ITGA1: variants seen among roughly 807,000 people sequenced by gnomAD.
ITGA1 encodes the protein integrin alpha-1.
ITGA1 carries 85 observed loss-of-function variants against 145.9 expected under a neutral mutation model. That is an observed-to-expected ratio of 0.58 (90% CI 0.49 to 0.70). ITGA1 has a LOEUF of 0.70. Among genes scored for constraint, ITGA1 ranks in the 30% least tolerant of loss-of-function variants. The pLI, the probability that ITGA1 is intolerant of heterozygous loss-of-function variation, is 0.00. For synonymous variants in ITGA1, 520 were observed against 495.3 expected, an observed-to-expected ratio of 1.05 and a Z score of -0.66; for missense variants, 1,351 against 1,418.7, an observed-to-expected ratio of 0.95 and a Z score of 0.77.
intron 1 of ITGA1, chr5:52,801,019 A>T: frequency 6.2e-7 from 1 of 1,614,208 alleles, no homozygotes; most frequent in Non-Finnish European, 8.5e-7. Flanking sequence ...CCTGGTGGCC[A>T]GCCCAGGATT....
chr5:52,912,561 A>C, intron 14 of ITGA1, among the ~76,000 whole-genome samples: 1 of 134,044 alleles, frequency 7.5e-6, no homozygotes, highest in East Asian at 2.2e-4. Context: ...TGTATCCACT[A>C]TAGGTATTAT....
chr5:52,945,256 A>G (rs1736772625), intron 27 of ITGA1, among the ~76,000 whole-genome samples: 1 of 152,166 alleles, frequency 6.6e-6, no homozygotes, highest in South Asian at 2.1e-4. Flanking sequence ...TACAATTCAC[A>G]TGCCGCATTT....
At position 52,846,968 on chromosome 5, in the gene ITGA1, C is replaced by T. The variant is rs1580059533; in HGVS notation, c.62-2397C>T. Among the ~76,000 whole-genome samples the T allele has an allele frequency of 9.2e-5, 14 of 152,142 alleles. No individual in the cohort carries two copies. The South Asian group carries it at 2.9e-3, about 32-fold the overall frequency. Reference sequence around the variant, plus strand: ...CTTCTTCCTTCAACATGTTATCTGTCAGTCTGAAAATATGTTACTGCCCAT... The same window carrying T: ...CTTCTTCCTTCAACATGTTATCTGTTAGTCTGAAAATATGTTACTGCCCAT... On this transcript the variant is annotated intron_variant, in intron 1 of 28. Coordinates refer to ENST00000282588, the MANE Select transcript of ITGA1 (RefSeq NM_181501.2).
Position 52,865,057 on chromosome 5 carries a change from C to T in ITGA1, c.471C>T (p.Val157=), listed in dbSNP as rs780873603. ...ICSDVSPTFQ[V]VNSIAPVQEC... Reference sequence around the variant, plus strand: ...CTGACGTCAGCCCCACATTTCAAGTCGTGAATTCCATTGCCCCTGTACAAG... The same window carrying T: ...CTGACGTCAGCCCCACATTTCAAGTTGTGAATTCCATTGCCCCTGTACAAG... Residue 157 remains valine (V), a synonymous_variant, in exon 5 of 29, where the codon GTC becomes GTT. Coordinates refer to ENST00000282588, the MANE Select transcript of ITGA1 (RefSeq NM_181501.2). The T allele has an allele frequency of 1.6e-5, 26 of 1,613,122 alleles. No individual in the cohort carries two copies. The African/African-American group carries it at 2.5e-4, about 16-fold the overall frequency.
intron 18 of ITGA1, 42 bp from the exon 19 acceptor site, chr5:52,925,236 C>G (rs185536836): frequency 1.4e-6 from 2 of 1,466,242 alleles, no homozygotes; most frequent in Non-Finnish European, 1.9e-6. Flanking sequence ...TTCAACAATG[C>G]GTAGCTAAAT....
chr5:52,800,818 A>T (rs774088225), intron 1 of ITGA1: 2 of 1,611,126 alleles, frequency 1.2e-6, no homozygotes, highest in South Asian at 2.2e-5. Context: ...GGCTGTGGTC[A>T]TGCAGGAAGG....
At chr5:52,932,166 GC>G (rs1284807806) in intron 22 of ITGA1, 30 bp downstream of exon 22, 1 of 1,325,540 alleles carries the variant, frequency 7.5e-7, no homozygotes, top group Non-Finnish European at 1.1e-6. Flanking sequence ...TTATGTGGAT[GC>G]CTTTCTATTA....
chr5:52,822,634 G>A (rs1380499206), intron 1 of ITGA1, among the ~76,000 whole-genome samples: 1 of 152,182 alleles, frequency 6.6e-6, no homozygotes, highest in East Asian at 1.9e-4. Context: ...CTCCTCCCTC[G>A]CCAGTTCGTA....
In ITGA1 at chr5:52,958,908, C is replaced by CAGGAACAAAGAACAAAGAACATAGA. The variant is rs1751339789; in HGVS notation, c.*6469_*6470insCAAAGAACATAGAAGGAACAAAGAA. Reference sequence around the variant, plus strand: ...TAGAAGAAAATGTTTCGATTGCATTCAGGAACAAAGAAGCATAACCTTTGT... The same window carrying CAGGAACAAAGAACAAAGAACATAGA: ...TAGAAGAAAATGTTTCGATTGCATTCAGGAACAAAGAACAAAGAACATAGAAGGAACAAAGAAGCATAACCTTTGT... On this transcript the variant is annotated 3_prime_UTR_variant, in exon 29 of 29. Coordinates refer to ENST00000282588, the MANE Select transcript of ITGA1 (RefSeq NM_181501.2). 6.6e-6 allele frequency: 1 copy of CAGGAACAAAGAACAAAGAACATAGA among 152,042 alleles called. No individual in the cohort carries two copies. The highest frequency in any genetic ancestry group is 2.1e-4 in the South Asian group (1 of 4,824). 9.4% of individuals were successfully genotyped at this position (152,042 alleles called of 1,614,324 possible).
At chr5:52,820,370 T>G (rs1748856708) in intron 1 of ITGA1, among the ~76,000 whole-genome samples, 1 of 2,770 alleles carries the variant, frequency 3.6e-4, no homozygotes, top group Non-Finnish European at 1.9e-3. Context: ...TCAGGGCCTG[T>G]TGTGGGTGGG....
chr5:52,914,367 G>A (rs1436753484), intron 14 of ITGA1, among the ~76,000 whole-genome samples: 2 of 152,066 alleles, frequency 1.3e-5, no homozygotes, highest in Non-Finnish European at 1.5e-5. Flanking sequence ...TGCTGGGTGC[G>A]GTGGCTCATG....
chr5:52,935,026 CA>C (rs1561253991), intron 23 of ITGA1, among the ~76,000 whole-genome samples: 1 of 151,404 alleles, frequency 6.6e-6, no homozygotes, highest in African/African-American at 2.4e-5. Flanking sequence ...GAAAATTCAG[CA>C]AAAAAAGAAA....
intron 1 of ITGA1, among the ~76,000 whole-genome samples, chr5:52,841,708 T>G (rs1580057029): frequency 6.6e-6 from 1 of 152,210 alleles, no homozygotes; most frequent in African/African-American, 2.4e-5. Context: ...TACTAAAATG[T>G]TTTTCTTCCA....
At chr5:52,878,668 A>C (rs537674121) in intron 6 of ITGA1, among the ~76,000 whole-genome samples, 1 of 152,322 alleles carries the variant, frequency 6.6e-6, no homozygotes, top group South Asian at 2.1e-4. Flanking sequence ...ATAAATGAGA[A>C]CAACGTGGAC....
At chr5:52,890,975 G>A (rs1358263794) in intron 8 of ITGA1, among the ~76,000 whole-genome samples, 1 of 152,134 alleles carries the variant, frequency 6.6e-6, no homozygotes. Context: ...AGAACGTAGT[G>A]ATATTTGTCC....
intron 27 of ITGA1, among the ~76,000 whole-genome samples, chr5:52,945,828 A>G (rs1317829207): frequency 1.3e-5 from 2 of 152,206 alleles, no homozygotes; most frequent in Non-Finnish European, 2.9e-5. Flanking sequence ...ATGACTTCTG[A>G]TAAGTATACG....
At chr5:52,885,787 G>A (rs929988183) in intron 7 of ITGA1, among the ~76,000 whole-genome samples, 12 of 152,208 alleles carry the variant, frequency 7.9e-5, no homozygotes, top group African/African-American at 2.7e-4. Flanking sequence ...TGATCTGGTG[G>A]AAAGTTAGAG....
intron 7 of ITGA1, among the ~76,000 whole-genome samples, chr5:52,885,032 C>T (rs1341965284): frequency 6.6e-6 from 1 of 152,142 alleles, no homozygotes; most frequent in African/African-American, 2.4e-5. Context: ...TCACAGAACT[C>T]AGTAAAGTAT....
In ITGA1 at chr5:52,864,974, T is replaced by C; in HGVS notation, c.388T>C (p.Cys130Arg). The C allele has an allele frequency of 6.2e-7, 1 of 1,608,540 alleles. No homozygotes were observed. The change falls in exon 5 of 29, where the codon TGT becomes CGT. Residue 130 changes from cysteine (C) to arginine (R), a missense_variant. Cys to Arg is a radical substitution (Grantham distance 180, BLOSUM62 -3). Transcript: ENST00000282588. ...VTNPNGGFLA[C>R]GPLYAYRCGH... ...ATTTTAAAACAATTTTTTAAAGGCT[T>C]GTGGGCCCTTATATGCCTATAGATG...
Sources: allele counts gnomAD v4.1 joint callset (sites outside exome capture counted in the v4.1 genomes callset), GRCh38; gene constraint gnomAD v4.1.1; transcripts MANE v1.5; gene names NCBI Gene and HGNC (gene_info 2026-07-23, HGNC 2026-07-21).